Variants in ANK3 observed in about 807,000 individuals in gnomAD.
ANK3 encodes the protein ankyrin-3.
ANK3 carries 57 observed loss-of-function variants against 370.9 expected under a neutral mutation model. The observed-to-expected ratio is 0.15, with a 90% CI of 0.12 to 0.19. The LOEUF is 0.19. Ranked by LOEUF, ANK3 falls within the 10% of genes least tolerant of loss-of-function variation. The pLI is 1.00. For synonymous variants in ANK3, 1,929 were observed against 1,946.3 expected, an observed-to-expected ratio of 0.99 and a Z score of 0.23; for missense variants, 4,439 against 5,302.1, an observed-to-expected ratio of 0.84 and a Z score of 5.06.
Position 60,186,869 on chromosome 10 carries a change from A to C in ANK3, c.1931T>G (p.Met644Arg). ...TTCCAGCAGAGTTGTCGCTATGTCC[A>C]TCTGGTTCTTTTTGGCAGCGATGTG... ...PLHIAAKKNQ[M>R]DIATTLLEYG... Residue 644 changes from methionine to arginine, a missense_variant, in exon 17 of 44, where the codon ATG becomes AGG. Met to Arg is a moderately conservative substitution (Grantham distance 91). Around this residue, in one of 13 missense-constraint regions of ANK3, gnomAD observed 192 missense variants for 192.1 expected, o/e 1.00. Transcript: ENST00000280772. 1.2e-6 allele frequency: 2 copies of C among 1,614,194 alleles called. No homozygotes were observed. The highest frequency in any genetic ancestry group is 1.7e-6 in the Non-Finnish European group (2 of 1,180,030).
chr10:60,542,491 C>T (rs566056591), intron 2 of ANK3, among the ~76,000 whole-genome samples: 3 of 151,638 alleles, frequency 2.0e-5, no homozygotes, highest in African/African-American at 4.8e-5. Flanking sequence ...AGACAAATCC[C>T]GCAGGTTTAT....
intron 7 of ANK3, among the ~76,000 whole-genome samples, chr10:60,255,085 G>A (rs1398955157): frequency 1.3e-5 from 2 of 152,080 alleles, no homozygotes; most frequent in Admixed American, 1.3e-4. Context: ...AGCCCTCATA[G>A]GATTGTTATG....
chr10:60,258,722 G>A (rs1285521653), intron 7 of ANK3, among the ~76,000 whole-genome samples: 1 of 152,018 alleles, frequency 6.6e-6, no homozygotes, highest in Non-Finnish European at 1.5e-5. Flanking sequence ...TCACTCTCTG[G>A]GACATTCCCT....
At position 60,660,744 on chromosome 10, in the gene ANK3, G is replaced by T. The variant is rs61854515; in HGVS notation, c.58-45520C>A. Among the ~76,000 whole-genome samples the T allele has an allele frequency of 1.2e-3, 188 of 152,252 alleles. 1 individual carries two copies. The highest frequency in any genetic ancestry group is 3.4e-3 in the Middle Eastern group (1 of 294). On this transcript the variant is annotated intron_variant, in intron 1 of 43. Coordinates refer to the ANK3 transcript ENST00000373827. ...AAGTTGGTCCCTAAAGTGGAAGTAA[G>T]ATGATTCTCCTACACAGAGAAGTAG...
rs72822816 is a variant in ANK3 at position 60,551,765 on chromosome 10, T to G, written c.96+63421A>C. Among the ~76,000 whole-genome samples, 828 of 152,284 alleles carry G rather than the reference T, an allele frequency of 5.4e-3. 4 individuals carry two copies. Among genetic ancestry groups the G allele is most frequent in the Middle Eastern group, 0.01 (3 of 294 alleles). On this transcript the variant is annotated intron_variant, in intron 2 of 43. Coordinates refer to the ANK3 transcript ENST00000373827. ...TTATCTCATATGACCTTTATATGCA[T>G]GTAAAACAGGAAGATAATAAGTAAA...
intron 2 of ANK3, among the ~76,000 whole-genome samples, chr10:60,486,718 C>A (rs189788971): frequency 1.3e-5 from 2 of 152,208 alleles, no homozygotes; most frequent in African/African-American, 4.8e-5. Flanking sequence ...ACATTCCAAG[C>A]CATGGAATCT....
At chr10:60,109,897 C>A (rs1277792201) in intron 26 of ANK3, among the ~76,000 whole-genome samples, 1 of 152,194 alleles carries the variant, frequency 6.6e-6, no homozygotes, top group African/African-American at 2.4e-5. Flanking sequence ...GTCCCACTAT[C>A]ATCATCACAG....
intron 2 of ANK3, among the ~76,000 whole-genome samples, chr10:60,474,870 T>C (rs2075017449): frequency 6.6e-6 from 1 of 152,188 alleles, no homozygotes; most frequent in Admixed American, 6.6e-5. Context: ...TTCTAAGTAG[T>C]GGGAATGTAG....
At chr10:60,132,010 G>T (rs1482208310) in intron 25 of ANK3, among the ~76,000 whole-genome samples, 1 of 152,172 alleles carries the variant, frequency 6.6e-6, no homozygotes, top group Non-Finnish European at 1.5e-5. Flanking sequence ...TCCTTAGAGT[G>T]TAGAGAATAA....
intron 23 of ANK3, among the ~76,000 whole-genome samples, chr10:60,145,252 A>C (rs1319242753): frequency 6.6e-6 from 1 of 152,242 alleles, no homozygotes; most frequent in African/African-American, 2.4e-5. Flanking sequence ...AAGAAAGATT[A>C]GAAAGAATAA....
intron 16 of ANK3, among the ~76,000 whole-genome samples, chr10:60,193,094 T>A (rs1026026537): frequency 2.0e-5 from 3 of 152,176 alleles, no homozygotes; most frequent in African/African-American, 7.2e-5. Flanking sequence ...ATTGGACATG[T>A]GCCAGAGATG....
chr10:60,417,627 G>T (rs2063695818), intron 2 of ANK3, among the ~76,000 whole-genome samples: 1 of 152,174 alleles, frequency 6.6e-6, no homozygotes, highest in African/African-American at 2.4e-5. Context: ...CAGAAAGAAT[G>T]GATGAAAATC....
chr10:60,115,927 C>T (rs2093046900), intron 25 of ANK3, among the ~76,000 whole-genome samples: 1 of 152,040 alleles, frequency 6.6e-6, no homozygotes, highest in African/African-American at 2.4e-5. Context: ...CCCACAGATC[C>T]CCCACAATCT....
intron 43 of ANK3, among the ~76,000 whole-genome samples, chr10:60,031,985 G>A (rs2073693248): frequency 6.6e-6 from 1 of 151,842 alleles, no homozygotes; most frequent in South Asian, 2.1e-4. Context: ...TCTTGCAGAG[G>A]GTGGGCAAAT....
chr10:60,342,803 T>C (rs1252489543), intron 1 of ANK3, among the ~76,000 whole-genome samples: 2 of 152,116 alleles, frequency 1.3e-5, no homozygotes, highest in Non-Finnish European at 2.9e-5. Flanking sequence ...CTACATAAGA[T>C]GAAGTCATTG....
At chr10:60,452,726 A>AT (rs2064642079) in intron 2 of ANK3, among the ~76,000 whole-genome samples, 1 of 152,168 alleles carries the variant, frequency 6.6e-6, no homozygotes, top group Admixed American at 6.5e-5. Context: ...TTCACCTTTG[A>AT]TTTAAATTGT....
intron 1 of ANK3, among the ~76,000 whole-genome samples, chr10:60,616,275 T>C (rs1417874765): frequency 1.3e-5 from 2 of 152,298 alleles, no homozygotes; most frequent in South Asian, 4.1e-4. Flanking sequence ...TCACAACTTC[T>C]AAAACAGTAA....
chr10:60,099,166 T>C (rs530344151), intron 28 of ANK3, among the ~76,000 whole-genome samples: 1 of 152,226 alleles, frequency 6.6e-6, no homozygotes, highest in East Asian at 1.9e-4. Context: ...ACTTCCTCTC[T>C]CCATTTGGTG....
chr10:60,645,314 G>A (rs561597721), intron 1 of ANK3, among the ~76,000 whole-genome samples: 1 of 152,212 alleles, frequency 6.6e-6, no homozygotes, highest in South Asian at 2.1e-4. Context: ...AAATCCACTT[G>A]TTATTCTAAA....
Sources: gnomAD v4.1 joint callset for allele counts (sites outside exome capture counted in the v4.1 genomes callset) on GRCh38, gnomAD v4.1.1 for gene constraint, gnomAD v4.1.1 regional missense constraint, MANE v1.5 for transcripts, NCBI Gene and HGNC (gene_info 2026-07-23, HGNC 2026-07-21) for gene names.